The following FNIP1 variants were observed in gnomAD, a reference collection of about 807,000 sequenced individuals.
FNIP1 encodes folliculin-interacting protein 1.
FNIP1 carries 40 observed loss-of-function variants against 124.5 expected under a neutral mutation model. The observed-to-expected ratio is 0.32, with a 90% CI of 0.25 to 0.42. FNIP1 has a LOEUF of 0.42. FNIP1 is among the 10% of genes least tolerant of loss of function. FNIP1 has a pLI of 1.00. For missense variants in FNIP1, 1,176 were observed against 1,403.7 expected, an observed-to-expected ratio of 0.84 and a Z score of 2.59; for synonymous variants, 472 against 470.6, an observed-to-expected ratio of 1.00 and a Z score of -0.04.
chr5:131,782,045 T>C (rs1347581877), intron 1 of FNIP1, among the ~76,000 whole-genome samples: 1 of 151,976 alleles, frequency 6.6e-6, no homozygotes, highest in African/African-American at 2.4e-5. Flanking sequence ...CACTAGACAC[T>C]TGGAAAGCTG....
intron 15 of FNIP1, among the ~76,000 whole-genome samples, chr5:131,654,921 A>G (rs1207778370): frequency 2.0e-5 from 3 of 152,262 alleles, no homozygotes; most frequent in African/African-American, 4.8e-5. Flanking sequence ...TTTATAAAAC[A>G]GTATTCAAAT....
chr5:131,733,174 G>A (rs1273475543), intron 2 of FNIP1, among the ~76,000 whole-genome samples: 1 of 152,170 alleles, frequency 6.6e-6, no homozygotes, highest in Non-Finnish European at 1.5e-5. Flanking sequence ...TTTGCACATT[G>A]ATTTTGTATC....
At chr5:131,732,386 C>A (rs1770125106) in intron 2 of FNIP1, among the ~76,000 whole-genome samples, 1 of 152,152 alleles carries the variant, frequency 6.6e-6, no homozygotes, top group African/African-American at 2.4e-5. Flanking sequence ...GATATGAGTT[C>A]AACATGAGGT....
chr5:131,763,326 C>CACACACACACACA (rs1402698907), intron 1 of FNIP1, among the ~76,000 whole-genome samples: 1 of 143,386 alleles, frequency 7.0e-6, no homozygotes, highest in African/African-American at 2.5e-5. Context: ...CACACACACA[C>CACACACACACACA]GACTACAATG....
chr5:131,761,943 C>A (rs908354760), intron 1 of FNIP1, among the ~76,000 whole-genome samples: 2 of 152,052 alleles, frequency 1.3e-5, no homozygotes, highest in Non-Finnish European at 1.5e-5. Flanking sequence ...GAATACAGAA[C>A]CCAGAAACAA....
At chr5:131,744,149 A>G (rs1770598254) in intron 2 of FNIP1, among the ~76,000 whole-genome samples, 2 of 152,104 alleles carry the variant, frequency 1.3e-5, no homozygotes, top group Non-Finnish European at 2.9e-5. Context: ...AGGGAGAGGC[A>G]TATGTTGAAA....
At chr5:131,781,311 A>G (rs1317101625) in intron 1 of FNIP1, among the ~76,000 whole-genome samples, 2 of 152,266 alleles carry the variant, frequency 1.3e-5, no homozygotes, top group East Asian at 3.8e-4. Context: ...ATAACTGATG[A>G]CACTGGCTAC....
chr5:131,711,293 G>GT (rs1310622068), intron 6 of FNIP1, among the ~76,000 whole-genome samples: 1 of 152,222 alleles, frequency 6.6e-6, no homozygotes, highest in Non-Finnish European at 1.5e-5. Context: ...ACTCCCAGCT[G>GT]TTCAAGAGAA....
chr5:131,718,027 C>CA (rs34050795), intron 5 of FNIP1, among the ~76,000 whole-genome samples: 14,630 of 142,548 alleles, frequency 0.1, 1,693 homozygotes, highest in African/African-American at 0.3. Flanking sequence ...ACTAAAAATA[C>CA]AAAAAAAAAA....
At chr5:131,721,244 CATG>C (rs1258423163) in intron 3 of FNIP1, among the ~76,000 whole-genome samples, 1 of 151,846 alleles carries the variant, frequency 6.6e-6, no homozygotes, top group Non-Finnish European at 1.5e-5. Flanking sequence ...ATAAATACTG[CATG>C]ATAAGATAAA....
chr5:131,717,875 T>C (rs1481994699), intron 5 of FNIP1, among the ~76,000 whole-genome samples: 1 of 152,042 alleles, frequency 6.6e-6, no homozygotes, highest in Admixed American at 6.5e-5. Context: ...AAGGCATCCA[T>C]AATATTTTAA....
At chr5:131,707,025 C>T (rs1361609105) in intron 8 of FNIP1, among the ~76,000 whole-genome samples, 2 of 152,142 alleles carry the variant, frequency 1.3e-5, no homozygotes, top group Non-Finnish European at 2.9e-5. Context: ...GTCAAACCTA[C>T]CACTTTTAAT....
rs971928875 is a variant in FNIP1, at chr5:131,710,732, A to C, written c.623-71T>G. 5 of 1,333,894 alleles carry C rather than the reference A, an allele frequency of 3.7e-6. No individual in the cohort carries two copies. In the South Asian group the frequency reaches 3.8e-5, roughly 10 times the overall value. 82.6% of individuals were successfully genotyped at this position (1,333,894 alleles called of 1,614,324 possible). A position where few individuals can be genotyped will look rare whatever the true frequency, so the allele number is the denominator to read the frequency against. On this transcript the variant is annotated intron_variant, in intron 6 of 17. Coordinates refer to ENST00000510461, the MANE Select transcript of FNIP1 (RefSeq NM_133372.3). ...GAAGCCACAATGCGTCAGGGAAAAA[A>C]GGTGAGCTAAGGCAGCACAAGAGCA...
chr5:131,661,388 T>C (rs1767432264), intron 15 of FNIP1, among the ~76,000 whole-genome samples: 1 of 152,134 alleles, frequency 6.6e-6, no homozygotes. Flanking sequence ...GACTGTCTGC[T>C]CTTCATGTTG....
chr5:131,709,966 T>C (rs1769235135), intron 7 of FNIP1, among the ~76,000 whole-genome samples: 1 of 152,182 alleles, frequency 6.6e-6, no homozygotes, highest in Non-Finnish European at 1.5e-5. Flanking sequence ...TGTTAGGTAA[T>C]CCGCTAAAAT....
At chr5:131,722,725 G>A (rs567937373) in intron 3 of FNIP1, among the ~76,000 whole-genome samples, 91 of 152,070 alleles carry the variant, frequency 6.0e-4, no homozygotes, top group South Asian at 1.5e-3. Flanking sequence ...TGCTCTTGTC[G>A]CCCAGGCTGG....
chr5:131,796,999 A>C lies in FNIP1; in HGVS notation c.-78T>G. On this transcript the variant is annotated 5_prime_UTR_variant, in exon 1 of 18. It removes an upstream start codon present in the reference 5' UTR. Transcript: ENST00000510461. ...CTCCTACAGCCGCCCCGCCACCCCCATGGGCGCCTCAGTCATATGACAGAA... is the reference window on the plus strand; with the variant it reads ...CTCCTACAGCCGCCCCGCCACCCCCCTGGGCGCCTCAGTCATATGACAGAA... 40 of 1,285,618 alleles carry C rather than the reference A, an allele frequency of 3.1e-5. No individual in the cohort carries two copies. Among genetic ancestry groups the C allele is most frequent in the Non-Finnish European group, 3.9e-5 (36 of 923,398 alleles). The allele number at this position is 1,285,618 out of a possible 1,614,324, so 79.6% of individuals were successfully genotyped here.
rs56699008 is a variant in FNIP1 at position 131,790,478 on chromosome 5, CAAAAAA to C, written c.92+6346_92+6351del. On this transcript the variant is annotated intron_variant, in intron 1 of 17. Transcript: ENST00000510461. The stretch of plus-strand genomic sequence containing the variant: ...TGGGCGATAGAGCAAGAACCTGTCT[CAAAAAA>C]AAAAAAAAAAAAAAAAAAGGCACCT... Among the ~76,000 whole-genome samples, 390 of 70,592 alleles carry C rather than the reference CAAAAAA, an allele frequency of 5.5e-3. 4 individuals are homozygous for C. The highest frequency in any genetic ancestry group is 0.015 in the African/African-American group (329 of 22,448). The allele number at this position is 70,592 out of a possible 152,430, so 46.3% of individuals were successfully genotyped here.
chr5:131,660,728 A>AC (rs1475992644), intron 15 of FNIP1, among the ~76,000 whole-genome samples: 3 of 151,830 alleles, frequency 2.0e-5, no homozygotes, highest in African/African-American at 7.3e-5. Flanking sequence ...GGCAGGAAGA[A>AC]CCCCTGGGCA....
Sources: allele counts gnomAD v4.1 joint callset (sites outside exome capture counted in the v4.1 genomes callset), GRCh38; gene constraint gnomAD v4.1.1; transcripts MANE v1.5; gene names NCBI Gene and HGNC (gene_info 2026-07-23, HGNC 2026-07-21).